Variants in SLC24A2 observed in about 807,000 individuals in gnomAD.
SLC24A2 encodes solute carrier family 24 member 2.
SLC24A2 carries 36 observed loss-of-function variants against 62.0 expected under a neutral mutation model. The ratio of observed to expected loss-of-function variants is 0.58; its 90% CI spans 0.44 to 0.77. The LOEUF is 0.77. Among genes scored for constraint, SLC24A2 ranks in the 30% least tolerant of loss-of-function variants. SLC24A2 has a pLI of 0.00. For missense variants in SLC24A2, 846 were observed against 817.9 expected (o/e 1.03, Z -0.42); for synonymous variants, 358 against 294.0 (o/e 1.22, Z -2.23).
At chr9:20,181,261 A>C in the SLC24A2 span, among the ~76,000 whole-genome samples, 2 of 152,028 alleles carry the variant, frequency 1.3e-5, no homozygotes, top group African/African-American at 4.8e-5. Context: ...AAAAAAAAAG[A>C]AAAAATAAAG....
the SLC24A2 span, among the ~76,000 whole-genome samples, chr9:20,239,763 A>G: frequency 6.6e-6 from 1 of 152,198 alleles, no homozygotes; most frequent in African/African-American, 2.4e-5. Context: ...TTGTGAGAAA[A>G]CTATCCCCAT....
intron 4 of SLC24A2, among the ~76,000 whole-genome samples, chr9:19,603,559 C>G (rs566364759): frequency 6.6e-6 from 1 of 152,228 alleles, no homozygotes; most frequent in South Asian, 2.1e-4. Context: ...CACAATCCAA[C>G]CAGTCACAAA....
At chr9:19,768,144 C>G (rs1337675259) in intron 2 of SLC24A2, among the ~76,000 whole-genome samples, 1 of 152,232 alleles carries the variant, frequency 6.6e-6, no homozygotes, top group Non-Finnish European at 1.5e-5. Context: ...GGCCCCACCT[C>G]TCAATACTGC....
chr9:19,835,120 C>T, the SLC24A2 span, among the ~76,000 whole-genome samples: 1 of 152,194 alleles, frequency 6.6e-6, no homozygotes, highest in East Asian at 1.9e-4. Flanking sequence ...ACTGCAAAAA[C>T]ATGCCAAATT....
At chr9:20,224,216 A>G in the SLC24A2 span, among the ~76,000 whole-genome samples, 1 of 152,048 alleles carries the variant, frequency 6.6e-6, no homozygotes, top group African/African-American at 2.4e-5. Flanking sequence ...TAAAGCTCTA[A>G]ATATGACAAA....
the SLC24A2 span, among the ~76,000 whole-genome samples, chr9:20,076,020 T>C: frequency 6.6e-6 from 1 of 152,222 alleles, no homozygotes; most frequent in Non-Finnish European, 1.5e-5. Flanking sequence ...ATGTAAATAG[T>C]TGTTACACTC....
chr9:20,115,462 A>G, the SLC24A2 span, among the ~76,000 whole-genome samples: 1 of 152,148 alleles, frequency 6.6e-6, no homozygotes, highest in Non-Finnish European at 1.5e-5. Context: ...ATTCTGAGGC[A>G]GTTTCCAAGT....
intron 2 of SLC24A2, among the ~76,000 whole-genome samples, chr9:19,772,449 A>G (rs1345357184): frequency 2.0e-5 from 3 of 152,212 alleles, no homozygotes; most frequent in African/African-American, 7.2e-5. Context: ...CACAGAATGG[A>G]GGAAAATATT....
Position 19,573,462 on chromosome 9 carries a change from A to C in SLC24A2, c.1236T>G (p.Ile412Met). ...QNGAANHVEKIELPNSTSTDV... is the reference protein window; with the variant it reads ...QNGAANHVEKMELPNSTSTDV... ...CTGTGCTGGTGCTGTTTGGAAGCTC[A>C]ATTTTTTCTGTGATATAATTTAAAC... Residue 412 changes from isoleucine to methionine, a missense_variant, in exon 7 of 11, where the codon ATT becomes ATG. By Grantham distance (10) the Ile-to-Met change is conservative. Coordinates refer to ENST00000341998, the MANE Select transcript of SLC24A2 (RefSeq NM_020344.4). 6.3e-7 allele frequency: 1 copy of C among 1,586,528 alleles called. No homozygotes were observed. Among genetic ancestry groups the C allele is most frequent in the Non-Finnish European group, 8.6e-7 (1 of 1,160,770 alleles).
At chr9:20,155,693 G>A in the SLC24A2 span, among the ~76,000 whole-genome samples, 1 of 151,584 alleles carries the variant, frequency 6.6e-6, no homozygotes, top group South Asian at 2.1e-4. Context: ...AGATATAAAG[G>A]GCATAATTGA....
At chr9:20,264,803 T>C in the SLC24A2 span, among the ~76,000 whole-genome samples, 1 of 152,220 alleles carries the variant, frequency 6.6e-6, no homozygotes, top group Non-Finnish European at 1.5e-5. Flanking sequence ...GCAAGTTACT[T>C]AATCCCTGTA....
intron 8 of SLC24A2, among the ~76,000 whole-genome samples, chr9:19,544,913 CT>C (rs1469767520): frequency 1.3e-5 from 2 of 152,128 alleles, no homozygotes; most frequent in Non-Finnish European, 2.9e-5. Flanking sequence ...CTTGGGGTTG[CT>C]CTTCTCAAGG....
chr9:20,068,670 G>A, the SLC24A2 span, among the ~76,000 whole-genome samples: 231 of 152,186 alleles, frequency 1.5e-3, 1 homozygote, highest in African/African-American at 5.5e-3. Flanking sequence ...CTCTTGCTTG[G>A]GGGTGCTGGA....
At chr9:20,159,399 GA>G in the SLC24A2 span, among the ~76,000 whole-genome samples, 10,154 of 151,590 alleles carry the variant, frequency 0.067, 1,048 homozygotes, top group African/African-American at 0.23. Context: ...TAACATCTAA[GA>G]TTTTTTTACC....
chr9:19,525,994 C>T (rs1311064506), intron 9 of SLC24A2, among the ~76,000 whole-genome samples: 1 of 152,094 alleles, frequency 6.6e-6, no homozygotes, highest in Non-Finnish European at 1.5e-5. Context: ...CTGGCAGTCA[C>T]TCCCCATTTT....
At chr9:20,090,585 G>A in the SLC24A2 span, among the ~76,000 whole-genome samples, 1 of 152,012 alleles carries the variant, frequency 6.6e-6, no homozygotes, top group Non-Finnish European at 1.5e-5. Context: ...AGATTCAACA[G>A]CAAAATTACC....
At chr9:19,895,727 C>A in the SLC24A2 span, 32 of 1,348,220 alleles carry the variant, frequency 2.4e-5, no homozygotes, top group South Asian at 4.1e-4. Context: ...GCCTGGTGGT[C>A]GAGGCTGGAG....
chr9:19,604,352 C>T (rs1836926790), intron 4 of SLC24A2, among the ~76,000 whole-genome samples: 1 of 152,098 alleles, frequency 6.6e-6, no homozygotes, highest in Admixed American at 6.6e-5. Flanking sequence ...GTCCTCAGCA[C>T]ACAAAAGACA....
chr9:20,241,918 C>A, the SLC24A2 span, among the ~76,000 whole-genome samples: 1 of 152,182 alleles, frequency 6.6e-6, no homozygotes, highest in Admixed American at 6.5e-5. Flanking sequence ...AATGCCTATT[C>A]CTCTCTAAAG....
Sources: gnomAD v4.1 joint callset for allele counts (sites outside exome capture counted in the v4.1 genomes callset) on GRCh38, gnomAD v4.1.1 for gene constraint, MANE v1.5 for transcripts, NCBI Gene and HGNC (gene_info 2026-07-23, HGNC 2026-07-21) for gene names.